LCORL: variants seen among roughly 807,000 people sequenced by gnomAD.
The protein encoded by LCORL is ligand dependent nuclear receptor corepressor like.
In LCORL, 41 loss-of-function variants were observed where a neutral mutation model predicts 141.8. That is an observed-to-expected ratio of 0.29 (90% CI 0.23 to 0.38). The LOEUF is 0.38. LCORL is among the 10% of genes least tolerant of loss of function. The probability of loss-of-function intolerance (pLI) is 1.00; values close to 1 mark genes in which losing one functional copy is unlikely to be tolerated. For synonymous variants in LCORL, 618 were observed against 694.1 expected, an observed-to-expected ratio of 0.89 and a Z score of 1.72; for missense variants, 1,759 against 2,035.0, an observed-to-expected ratio of 0.86 and a Z score of 2.61.
chr4:18,002,168 A>G (rs1284288073), intron 1 of LCORL, among the ~76,000 whole-genome samples: 1 of 152,194 alleles, frequency 6.6e-6, no homozygotes, highest in African/African-American at 2.4e-5. Context: ...CTTTCTACCC[A>G]TTAGTTACAT....
intron 5 of LCORL, among the ~76,000 whole-genome samples, chr4:17,890,001 G>A (rs924872533): frequency 5.3e-5 from 8 of 151,970 alleles, no homozygotes; most frequent in Admixed American, 3.9e-4. Context: ...TAAGGTGGAG[G>A]GGGAGGTAAT....
chr4:17,868,522 C>A (rs76272783), intron 7 of LCORL, among the ~76,000 whole-genome samples: 6,370 of 152,096 alleles, frequency 0.042, 440 homozygotes, highest in African/African-American at 0.15. Context: ...AAGATATACA[C>A]CTGCTTTGGG....
At chr4:17,934,931 C>T (rs1736614396) in intron 4 of LCORL, among the ~76,000 whole-genome samples, 1 of 152,064 alleles carries the variant, frequency 6.6e-6, no homozygotes, top group Non-Finnish European at 1.5e-5. Flanking sequence ...TTCTAAAAAA[C>T]GGAGGGTGAA....
chr4:17,944,387 C>A (rs921539390), intron 4 of LCORL, among the ~76,000 whole-genome samples: 2 of 151,996 alleles, frequency 1.3e-5, no homozygotes, highest in African/African-American at 4.8e-5. Context: ...GAAAGAACTG[C>A]CCCTTCCTTC....
chr4:17,980,938 C>T (rs1273903754), intron 1 of LCORL, among the ~76,000 whole-genome samples: 1 of 152,080 alleles, frequency 6.6e-6, no homozygotes, highest in Non-Finnish European at 1.5e-5. Flanking sequence ...AAAACCATGC[C>T]CCTGTCCATG....
intron 4 of LCORL, among the ~76,000 whole-genome samples, chr4:17,947,576 T>C (rs1436262192): frequency 6.6e-6 from 1 of 151,918 alleles, no homozygotes; most frequent in Non-Finnish European, 1.5e-5. Context: ...CCACAAAAAA[T>C]GTTAGGTATT....
In LCORL at chr4:18,007,081, T is replaced by C. The variant is rs1016722246; in HGVS notation, c.154+14517A>G. Among the ~76,000 whole-genome samples the C allele has an allele frequency of 4.6e-5, 7 of 152,210 alleles. No homozygotes were observed. In the South Asian group the frequency reaches 1.2e-3, roughly 27 times the overall value. ...CTACCCTCAAAACTTGCTTGGTCTATCTTGACATCTCCTGATTTGCCTGTT... is the reference window on the plus strand; with the variant it reads ...CTACCCTCAAAACTTGCTTGGTCTACCTTGACATCTCCTGATTTGCCTGTT... On this transcript the variant is annotated intron_variant, in intron 1 of 7. Coordinates refer to ENST00000635767, the Ensembl canonical transcript of LCORL.
intron 1 of LCORL, among the ~76,000 whole-genome samples, chr4:18,012,762 A>C (rs1462925168): frequency 6.6e-6 from 1 of 152,156 alleles, no homozygotes; most frequent in African/African-American, 2.4e-5. Context: ...TTGCCTCAGT[A>C]TTTTGTTACT....
chr4:17,876,223 G>A (rs1332347962), exon 7 of LCORL: 1 of 1,230,942 alleles, frequency 8.1e-7, no homozygotes, highest in Non-Finnish European at 1.0e-6. Context: ...GACTTTTTCA[G>A]ATTTTCAAGT....
intron 2 of LCORL, among the ~76,000 whole-genome samples, chr4:17,969,734 G>T (rs1280376967): frequency 1.3e-5 from 2 of 152,050 alleles, no homozygotes; most frequent in African/African-American, 4.8e-5. Flanking sequence ...CGTAAACTCA[G>T]CAGAAAAACT....
intron 4 of LCORL, among the ~76,000 whole-genome samples, chr4:17,958,804 T>C (rs1436192571): frequency 6.6e-6 from 1 of 151,956 alleles, no homozygotes; most frequent in Non-Finnish European, 1.5e-5. Context: ...GGACCTAACA[T>C]GCAGGTACAG....
intron 1 of LCORL, among the ~76,000 whole-genome samples, chr4:17,988,899 G>A (rs930084076): frequency 6.6e-6 from 1 of 152,150 alleles, no homozygotes; most frequent in South Asian, 2.1e-4. Flanking sequence ...CAGGAGAATC[G>A]TTTGAACTTG....
At chr4:17,932,187 C>G (rs6841793) in intron 4 of LCORL, among the ~76,000 whole-genome samples, 35,838 of 151,984 alleles carry the variant, frequency 0.24, 5,388 homozygotes, top group African/African-American at 0.42. Flanking sequence ...AATATATACA[C>G]CTCAAACCTG....
intron 4 of LCORL, among the ~76,000 whole-genome samples, chr4:17,935,306 T>C (rs1320013196): frequency 8.6e-6 from 1 of 116,296 alleles, no homozygotes; most frequent in Non-Finnish European, 2.0e-5. Flanking sequence ...TTTTGTAGCT[T>C]AGAAAATAAC....
At chr4:17,949,490 G>C (rs983103251) in intron 4 of LCORL, among the ~76,000 whole-genome samples, 1 of 152,034 alleles carries the variant, frequency 6.6e-6, no homozygotes, top group Non-Finnish European at 1.5e-5. Context: ...GCCCTGAATA[G>C]TCTCCCAATA....
chr4:17,924,319 G>A (rs538156913), intron 4 of LCORL, among the ~76,000 whole-genome samples: 2 of 152,292 alleles, frequency 1.3e-5, no homozygotes, highest in African/African-American at 4.8e-5. Context: ...ATCGCCCAAT[G>A]GGCCCACGAA....
chr4:17,918,580 G>C (rs896815965), intron 4 of LCORL, among the ~76,000 whole-genome samples: 29 of 152,102 alleles, frequency 1.9e-4, no homozygotes, highest in African/African-American at 7.0e-4. Context: ...AAATTCACTA[G>C]ATATACACTG....
At chr4:17,995,741 C>T (rs1045668536) in intron 1 of LCORL, among the ~76,000 whole-genome samples, 1 of 152,118 alleles carries the variant, frequency 6.6e-6, no homozygotes, top group Admixed American at 6.5e-5. Flanking sequence ...AAACTAGTCT[C>T]ACCCTCTCAT....
At chr4:17,961,861 T>A in intron 4 of LCORL, 42 bp downstream of exon 4, 1 of 1,567,656 alleles carries the variant, frequency 6.4e-7, no homozygotes, top group Non-Finnish European at 8.7e-7. Context: ...ACATTTTACA[T>A]CTCTATTGCA....
Sources: allele counts gnomAD v4.1 joint callset (sites outside exome capture counted in the v4.1 genomes callset), GRCh38; gene constraint gnomAD v4.1.1; transcripts MANE v1.5; gene names NCBI Gene and HGNC (gene_info 2026-07-23, HGNC 2026-07-21).